The following APOOL variants were observed in gnomAD, a reference collection of about 807,000 sequenced individuals.
APOOL encodes the protein MICOS complex subunit MIC27.
APOOL carries 12 observed loss-of-function variants against 23.1 expected under a neutral mutation model. The ratio of observed to expected loss-of-function variants is 0.52; its 90% CI spans 0.33 to 0.84. The LOEUF is 0.84. APOOL is among the 40% of genes least tolerant of loss of function. The probability of loss-of-function intolerance (pLI) is 0.02; values close to 1 mark genes in which losing one functional copy is unlikely to be tolerated. For missense variants in APOOL, 212 were observed against 199.6 expected, an observed-to-expected ratio of 1.06 and a Z score of -0.37; for synonymous variants, 77 against 69.9, an observed-to-expected ratio of 1.10 and a Z score of -0.51.
intron 1 of APOOL, among the ~76,000 whole-genome samples, chrX:85,011,939 G>A (rs1921302439): frequency 9.0e-6 from 1 of 111,498 alleles, no homozygotes; most frequent in African/African-American, 3.3e-5. Flanking sequence ...TTGGCAGTAT[G>A]GTCATTTTCA....
intron 1 of APOOL, among the ~76,000 whole-genome samples, chrX:85,038,469 ACCAG>A (rs747316452): frequency 3.8e-5 from 4 of 104,661 alleles, no homozygotes; most frequent in African/African-American, 1.4e-4. Context: ...TAGGATTGGT[ACCAG>A]CTCTTCTTTA....
At chrX:85,009,005 A>T (rs1353016284) in intron 1 of APOOL, among the ~76,000 whole-genome samples, 1 of 111,238 alleles carries the variant, frequency 9.0e-6, no homozygotes, top group Admixed American at 9.6e-5. Flanking sequence ...ATTCTTTCTG[A>T]TGCTATTTTA....
At chrX:85,071,406 T>C (rs1461477585) in intron 6 of APOOL, among the ~76,000 whole-genome samples, 7 of 110,789 alleles carry the variant, frequency 6.3e-5, no homozygotes, top group Admixed American at 4.9e-4. Flanking sequence ...GTGGTACAGG[T>C]GGCATTTCAG....
chrX:85,070,214 G>T (rs1923617516), intron 6 of APOOL, among the ~76,000 whole-genome samples: 1 of 111,356 alleles, frequency 9.0e-6, no homozygotes, highest in African/African-American at 3.3e-5. Context: ...GCTTTTTAGT[G>T]TATCTGTGTT....
chrX:85,057,726 T>C (rs1203505899), intron 5 of APOOL, among the ~76,000 whole-genome samples: 2 of 108,704 alleles, frequency 1.8e-5, no homozygotes, highest in Admixed American at 1.0e-4. Context: ...ATATTAATGC[T>C]TCCCTATATC....
intron 5 of APOOL, among the ~76,000 whole-genome samples, chrX:85,064,080 A>G (rs1923344677): frequency 9.0e-6 from 1 of 110,889 alleles, no homozygotes. Context: ...TCAGGGATTC[A>G]ACTTCTTCCT....
Position 85,088,055 on chromosome X carries a change from C to CAT in APOOL, c.*382_*383dup, listed in dbSNP as rs373412779. The CAT allele has an allele frequency of 7.2e-5, 2 of 27,758 alleles. No homozygotes were observed. The highest frequency in any genetic ancestry group is 3.5e-4 in the African/African-American group (2 of 5,640). 2.3% of individuals were successfully genotyped at this position (27,758 alleles called of 1,213,427 possible). On this transcript the variant is annotated 3_prime_UTR_variant, in exon 9 of 9. Transcript: ENST00000373173. ...ATACATGTATAAATACGTATTTATACATATATGTATAAATACATATACATA... is the reference window on the plus strand; with the variant it reads ...ATACATGTATAAATACGTATTTATACATATATATGTATAAATACATATACATA...
intron 1 of APOOL, among the ~76,000 whole-genome samples, chrX:85,014,739 C>A (rs1921409054): frequency 9.2e-6 from 1 of 109,238 alleles, no homozygotes; most frequent in South Asian, 4.1e-4. Flanking sequence ...TTTTGTCTCA[C>A]AGCTCTTAAG....
rs552566281 is a variant in APOOL at position 85,058,075 on chromosome X, A to G, written c.394+2150A>G. 5.4e-5 allele frequency among the ~76,000 whole-genome samples: 6 copies of G among 111,189 alleles called. No individual in the cohort carries two copies. The East Asian group carries it at 1.7e-3, about 31-fold the overall frequency. ...GAGACATTTTACCTTTTTTTAAAAA[A>G]TTATATTTTAAGTTCCAGGGTACAT... is the stretch of plus-strand genomic sequence containing the variant. On this transcript the variant is annotated intron_variant, in intron 5 of 8. Transcript: ENST00000373173.
intron 1 of APOOL, among the ~76,000 whole-genome samples, chrX:85,005,602 A>G (rs1288002857): frequency 9.0e-6 from 1 of 111,469 alleles, no homozygotes; most frequent in Non-Finnish European, 1.9e-5. Context: ...TGAAGACAGT[A>G]ATTATATTAA....
At chrX:85,008,298 T>C (rs890361028) in intron 1 of APOOL, among the ~76,000 whole-genome samples, 1 of 111,577 alleles carries the variant, frequency 9.0e-6, no homozygotes, top group Non-Finnish European at 1.9e-5. Context: ...TGAAAGTTTG[T>C]GCCCTTTGGC....
At chrX:85,049,218 G>A (rs1922678708) in intron 2 of APOOL, among the ~76,000 whole-genome samples, 1 of 111,339 alleles carries the variant, frequency 9.0e-6, no homozygotes, top group East Asian at 2.8e-4. Context: ...TGGCATTTAA[G>A]CCCCAAGGTC....
chrX:85,046,960 C>CTA (rs1361225538), intron 2 of APOOL, among the ~76,000 whole-genome samples: 4 of 111,322 alleles, frequency 3.6e-5, no homozygotes, highest in Non-Finnish European at 7.6e-5. Flanking sequence ...GTAATTCCCT[C>CTA]TATAGTAGGC....
intron 6 of APOOL, among the ~76,000 whole-genome samples, chrX:85,069,610 T>TAAA (rs774325087): frequency 2.7e-4 from 11 of 40,954 alleles, no homozygotes; most frequent in African/African-American, 7.0e-4. Flanking sequence ...ACGCCATCTC[T>TAAA]AAAAAAAAAA....
rs1924468448 is a variant in APOOL, at chrX:85,089,570, T to G, written c.*1892T>G. Reference sequence around the variant, plus strand: ...TCAAGTTTCATCCCTAGTCCTATTTTCTCATTCTATATGCACACTCATTTT... The same window carrying G: ...TCAAGTTTCATCCCTAGTCCTATTTGCTCATTCTATATGCACACTCATTTT... On this transcript the variant is annotated 3_prime_UTR_variant, in exon 9 of 9. Transcript: ENST00000373173. The G allele has an allele frequency of 9.0e-6, 1 of 111,693 alleles. No homozygotes were observed. The highest frequency in any genetic ancestry group is 1.9e-5 in the Non-Finnish European group (1 of 53,173). The allele number at this position is 111,693 out of a possible 1,213,427, so 9.2% of individuals were successfully genotyped here. A position where few individuals can be genotyped will look rare whatever the true frequency, so the allele number is the denominator to read the frequency against.
intron 5 of APOOL, among the ~76,000 whole-genome samples, chrX:85,059,814 C>A: frequency 9.0e-6 from 1 of 110,828 alleles, no homozygotes; most frequent in Non-Finnish European, 1.9e-5. Context: ...AAATTTTCTC[C>A]CATTCTGTAG....
chrX:85,068,419 T>G (rs1233763859), intron 6 of APOOL, among the ~76,000 whole-genome samples: 3 of 105,213 alleles, frequency 2.9e-5, no homozygotes, highest in Non-Finnish European at 5.9e-5. Context: ...TTTCTTTTTT[T>G]TTTTGAGATG....
chrX:85,073,339 A>G (rs1215541995), intron 6 of APOOL, among the ~76,000 whole-genome samples: 1 of 111,658 alleles, frequency 9.0e-6, no homozygotes, highest in Non-Finnish European at 1.9e-5. Flanking sequence ...AATAGGAAAA[A>G]GAAGAAATCA....
In APOOL at chrX:85,090,377, G is replaced by T. The variant is rs779400904; in HGVS notation, c.*2699G>T. ...GGCAAGGGGTAAGGGGTTGGGAACA[G>T]GTGCTGAATTAAAGCTAACATACAG... On this transcript the variant is annotated 3_prime_UTR_variant, in exon 9 of 9. Transcript: ENST00000373173. 1 of 111,433 alleles carries T rather than the reference G, an allele frequency of 9.0e-6. No individual in the cohort carries two copies. Among genetic ancestry groups the T allele is most frequent in the Non-Finnish European group, 1.9e-5 (1 of 53,055 alleles). 9.2% of individuals were successfully genotyped at this position (111,433 alleles called of 1,213,427 possible). A position where few individuals can be genotyped will look rare whatever the true frequency, so the allele number is the denominator to read the frequency against.
Sources: gnomAD v4.1 joint callset for allele counts (sites outside exome capture counted in the v4.1 genomes callset) on GRCh38, gnomAD v4.1.1 for gene constraint, MANE v1.5 for transcripts, NCBI Gene and HGNC (gene_info 2026-07-23, HGNC 2026-07-21) for gene names.